INSYN2A: variants seen among roughly 807,000 people sequenced by gnomAD.
INSYN2A encodes inhibitory synaptic factor 2A.
In INSYN2A, 17 loss-of-function variants were observed where a neutral mutation model predicts 39.4. The ratio of observed to expected loss-of-function variants is 0.43; its 90% CI spans 0.30 to 0.65. INSYN2A has a LOEUF of 0.65. Ranked by LOEUF, INSYN2A falls within the 30% of genes least tolerant of loss-of-function variation. The probability of loss-of-function intolerance (pLI) is 0.14; values close to 1 mark genes in which losing one functional copy is unlikely to be tolerated. For synonymous variants in INSYN2A, 255 were observed against 265.7 expected, an observed-to-expected ratio of 0.96 and a Z score of 0.39; for missense variants, 595 against 631.2, an observed-to-expected ratio of 0.94 and a Z score of 0.61.
rs1269100059 is a variant in INSYN2A at position 127,192,061 on chromosome 10, G to A, written c.-269+544C>T. Reference sequence around the variant, plus strand: ...TTCAACAAGCATTTTGATATGGTGGGGTTTTCTTTTGTTTCTTTACCATTC... The same window carrying A: ...TTCAACAAGCATTTTGATATGGTGGAGTTTTCTTTTGTTTCTTTACCATTC... On this transcript the variant is annotated intron_variant, in intron 2 of 5. Coordinates refer to ENST00000522781, the MANE Select transcript of INSYN2A (RefSeq NM_001039762.3). Among the ~76,000 whole-genome samples, 4 of 152,242 alleles carry A rather than the reference G, an allele frequency of 2.6e-5. No individual in the cohort carries two copies. The East Asian group carries it at 7.7e-4, about 29-fold the overall frequency.
At chr10:127,171,177 T>C (rs1317903582) in intron 4 of INSYN2A, among the ~76,000 whole-genome samples, 1 of 152,198 alleles carries the variant, frequency 6.6e-6, no homozygotes, top group Non-Finnish European at 1.5e-5. Context: ...CGAAGCCATT[T>C]GGAAATCTAC....
chr10:127,143,079 C>G (rs2051426721), intron 5 of INSYN2A, among the ~76,000 whole-genome samples: 1 of 152,190 alleles, frequency 6.6e-6, no homozygotes, highest in South Asian at 2.1e-4. Flanking sequence ...CCAGCTTATT[C>G]TCTGTTTGTC....
At chr10:127,181,867 T>A (rs917400466) in intron 2 of INSYN2A, among the ~76,000 whole-genome samples, 5 of 152,244 alleles carry the variant, frequency 3.3e-5, no homozygotes, top group African/African-American at 1.2e-4. Context: ...CTGGAAGTCC[T>A]CTTTTCCTTG....
intron 4 of INSYN2A, among the ~76,000 whole-genome samples, chr10:127,157,791 T>G (rs74158626): frequency 7.0e-4 from 107 of 152,340 alleles, no homozygotes; most frequent in African/African-American, 2.5e-3. Flanking sequence ...AAGTTTTGTT[T>G]GGGATCTTTC....
At chr10:127,167,808 C>T (rs1262396054) in intron 4 of INSYN2A, among the ~76,000 whole-genome samples, 1 of 152,012 alleles carries the variant, frequency 6.6e-6, no homozygotes, top group Admixed American at 6.6e-5. Flanking sequence ...TAGTGATCCT[C>T]ACCACCACCC....
intron 5 of INSYN2A, among the ~76,000 whole-genome samples, chr10:127,142,168 C>T (rs750495775): frequency 2.6e-5 from 4 of 152,208 alleles, no homozygotes; most frequent in Non-Finnish European, 5.9e-5. Context: ...AGCACCATCA[C>T]GGTCCCAGGC....
chr10:127,158,197 A>G (rs1423008488), intron 4 of INSYN2A, among the ~76,000 whole-genome samples: 7 of 152,148 alleles, frequency 4.6e-5, no homozygotes, highest in Admixed American at 3.9e-4. Context: ...GAATTTCCCT[A>G]TTTTTTCCTT....
chr10:127,169,467 A>G (rs2054366061), intron 4 of INSYN2A, among the ~76,000 whole-genome samples: 2 of 152,236 alleles, frequency 1.3e-5, no homozygotes, highest in Admixed American at 6.5e-5. Flanking sequence ...TCTGGCCTGA[A>G]CATTTTTAGC....
At chr10:127,160,943 C>T (rs2053544289) in intron 4 of INSYN2A, among the ~76,000 whole-genome samples, 1 of 152,178 alleles carries the variant, frequency 6.6e-6, no homozygotes, top group Non-Finnish European at 1.5e-5. Context: ...GGCTTTTTCA[C>T]TTAATAGTCT....
rs1392409503 is a variant in INSYN2A, at chr10:127,171,629, TTCCCCAGCTTCAAGA to T, written c.1184+3568_1184+3582del. Among the ~76,000 whole-genome samples, 6 of 152,310 alleles carry T rather than the reference TTCCCCAGCTTCAAGA, an allele frequency of 3.9e-5. No homozygotes were observed. In the South Asian group the frequency reaches 8.3e-4, roughly 21 times the overall value. The stretch of plus-strand genomic sequence containing the variant: ...TGGCAAGTGGGGAGAGGAACTGACT[TTCCCCAGCTTCAAGA>T]GTGTTCTCCAGCTCCTGATTTGTAG... On this transcript the variant is annotated intron_variant, in intron 4 of 5. Transcript: ENST00000522781.
chr10:127,168,554 A>G (rs1305247804), intron 4 of INSYN2A, among the ~76,000 whole-genome samples: 2 of 152,228 alleles, frequency 1.3e-5, no homozygotes, highest in Admixed American at 1.3e-4. Context: ...GAGGCTGTTG[A>G]GAGACTGTCT....
At chr10:127,182,988 T>A (rs952124997) in intron 2 of INSYN2A, among the ~76,000 whole-genome samples, 1 of 151,072 alleles carries the variant, frequency 6.6e-6, no homozygotes, top group Non-Finnish European at 1.5e-5. Flanking sequence ...TTAGACTTAG[T>A]GGGAATCTCA....
chr10:127,153,816 T>C (rs2052751274), intron 5 of INSYN2A, 36 bp downstream of exon 5: 1 of 1,492,054 alleles, frequency 6.7e-7, no homozygotes, highest in South Asian at 1.1e-5. Flanking sequence ...TTGTCACTCA[T>C]AATAAGAAAG....
rs571060452 is a variant in INSYN2A at position 127,146,204 on chromosome 10, G to T, written c.1256+7648C>A. 484 of 298,460 alleles carry T rather than the reference G, an allele frequency of 1.6e-3. 6 individuals carry two copies. The highest frequency in any genetic ancestry group is 0.013 in the South Asian group (465 of 34,804). 18.5% of individuals were successfully genotyped at this position (298,460 alleles called of 1,614,324 possible). ...ATGCCTCCTTAACTTTGACCTTGGG[G>T]TATAACCAAAGGCTGGGACTATCAG... is the stretch of plus-strand genomic sequence containing the variant. On this transcript the variant is annotated intron_variant, in intron 5 of 5. Transcript: ENST00000522781.
intron 5 of INSYN2A, among the ~76,000 whole-genome samples, chr10:127,138,628 C>T (rs2486970): frequency 0.51 from 77,838 of 151,588 alleles, 21,753 homozygotes; most frequent in East Asian, 0.73. Flanking sequence ...AACGGTACTC[C>T]GCCATTACTA....
intron 5 of INSYN2A, among the ~76,000 whole-genome samples, chr10:127,141,202 T>C (rs2051207901): frequency 6.6e-6 from 1 of 152,212 alleles, no homozygotes; most frequent in Non-Finnish European, 1.5e-5. Flanking sequence ...TCCTGTCTTA[T>C]TTGTTTTTGC....
chr10:127,140,246 A>G (rs2051095428), intron 5 of INSYN2A, among the ~76,000 whole-genome samples: 1 of 152,214 alleles, frequency 6.6e-6, no homozygotes. Context: ...CCAAGGAACC[A>G]TGTAATCACA....
At chr10:127,185,923 G>T (rs2056190895) in intron 2 of INSYN2A, among the ~76,000 whole-genome samples, 1 of 152,164 alleles carries the variant, frequency 6.6e-6, no homozygotes, top group African/African-American at 2.4e-5. Flanking sequence ...AATGTGACTT[G>T]CTAGGAATTA....
At chr10:127,172,294 G>A (rs1237283075) in intron 4 of INSYN2A, among the ~76,000 whole-genome samples, 1 of 152,086 alleles carries the variant, frequency 6.6e-6, no homozygotes. Flanking sequence ...AATTGGCCAC[G>A]GTAGCAGTAT....
Sources: allele counts gnomAD v4.1 joint callset (sites outside exome capture counted in the v4.1 genomes callset), GRCh38; gene constraint gnomAD v4.1.1; transcripts MANE v1.5; gene names NCBI Gene and HGNC (gene_info 2026-07-23, HGNC 2026-07-21).